The following ZFAND3 variants were observed in gnomAD, a reference collection of about 807,000 sequenced individuals.
The protein encoded by ZFAND3 is AN1-type zinc finger protein 3.
A neutral mutation model predicts 29.6 loss-of-function variants in ZFAND3; 10 were observed. The observed-to-expected ratio is 0.34, with a 90% CI of 0.21 to 0.57. The LOEUF is 0.57. Among genes scored for constraint, ZFAND3 ranks in the 20% least tolerant of loss-of-function variants. The pLI is 0.86. For synonymous variants in ZFAND3, 128 were observed against 112.6 expected (o/e 1.14, Z -0.87); for missense variants, 230 against 304.5 (o/e 0.76, Z 1.82).
intron 5 of ZFAND3, among the ~76,000 whole-genome samples, chr6:38,134,541 T>C (rs1045736219): frequency 6.6e-6 from 1 of 152,212 alleles, no homozygotes; most frequent in African/African-American, 2.4e-5. Context: ...TAAATACTTT[T>C]GACTCCTTGA....
At chr6:37,930,117 T>C (rs971157257) in intron 2 of ZFAND3, 118 bp downstream of exon 2, 4 of 1,021,024 alleles carry the variant, frequency 3.9e-6, no homozygotes, top group Admixed American at 3.0e-5. Flanking sequence ...GGTTTTGTTT[T>C]CTTAGCTTGT....
intron 2 of ZFAND3, among the ~76,000 whole-genome samples, chr6:38,020,355 ATTTT>A (rs888651813): frequency 6.6e-6 from 1 of 151,914 alleles, no homozygotes; most frequent in African/African-American, 2.4e-5. Flanking sequence ...ATAATTAAAA[ATTTT>A]TTTTTAAGTA....
intron 4 of ZFAND3, among the ~76,000 whole-genome samples, chr6:38,091,878 G>A (rs752461239): frequency 1.3e-4 from 20 of 152,126 alleles, no homozygotes; most frequent in Non-Finnish European, 1.5e-4. Flanking sequence ...TGGGACTTGC[G>A]CTGATGCAGC....
At chr6:37,867,437 T>C (rs942017993) in intron 1 of ZFAND3, among the ~76,000 whole-genome samples, 59 of 152,288 alleles carry the variant, frequency 3.9e-4, no homozygotes, top group African/African-American at 2.9e-4. Flanking sequence ...CATCTTCAAA[T>C]TACCAATTTT....
intron 2 of ZFAND3, among the ~76,000 whole-genome samples, chr6:37,982,269 C>T (rs1762593439): frequency 6.6e-6 from 1 of 151,196 alleles, no homozygotes; most frequent in African/African-American, 2.4e-5. Context: ...TCAGGTTTGC[C>T]ATATGCAGTT....
chr6:37,838,991 C>T (rs1277687819), intron 1 of ZFAND3, among the ~76,000 whole-genome samples: 4 of 152,116 alleles, frequency 2.6e-5, no homozygotes, highest in Non-Finnish European at 5.9e-5. Flanking sequence ...CATTGCTGCT[C>T]TTTTTGATTA....
intron 3 of ZFAND3, among the ~76,000 whole-genome samples, chr6:38,067,995 A>G (rs1380471321): frequency 2.0e-5 from 3 of 152,180 alleles, no homozygotes; most frequent in Non-Finnish European, 2.9e-5. Flanking sequence ...GAGAACTGAT[A>G]CCTGCTGCTA....
intron 1 of ZFAND3, among the ~76,000 whole-genome samples, chr6:37,827,547 C>T (rs1763782281): frequency 6.6e-6 from 1 of 152,160 alleles, no homozygotes. Flanking sequence ...CTGGTAAATT[C>T]AGGTTACCAT....
intron 3 of ZFAND3, among the ~76,000 whole-genome samples, chr6:38,077,190 G>T (rs1457707064): frequency 6.6e-6 from 1 of 151,086 alleles, no homozygotes; most frequent in Non-Finnish European, 1.5e-5. Context: ...TCTGCCCAGG[G>T]AGGCTTAGGA....
chr6:38,047,120 C>G (rs1421327025), intron 2 of ZFAND3, among the ~76,000 whole-genome samples: 2 of 151,988 alleles, frequency 1.3e-5, no homozygotes, highest in African/African-American at 4.8e-5. Context: ...AGTTCAAGAC[C>G]AGCCTGGCCA....
intron 1 of ZFAND3, among the ~76,000 whole-genome samples, chr6:37,897,957 A>T (rs1765250051): frequency 6.6e-6 from 1 of 152,176 alleles, no homozygotes; most frequent in South Asian, 2.1e-4. Context: ...CACCCCATGT[A>T]TGTGTATTGC....
At chr6:37,982,035 C>T (rs1444541414) in intron 2 of ZFAND3, among the ~76,000 whole-genome samples, 1 of 152,080 alleles carries the variant, frequency 6.6e-6, no homozygotes, top group African/African-American at 2.4e-5. Flanking sequence ...ACGCCATTTA[C>T]AAGGATAGTC....
intron 2 of ZFAND3, among the ~76,000 whole-genome samples, chr6:38,047,964 G>GTTTTT (rs1241798963): frequency 1.6e-5 from 2 of 126,250 alleles, no homozygotes; most frequent in African/African-American, 5.5e-5. Context: ...AGGTTTTTGG[G>GTTTTT]TTTTTTTTGT....
intron 3 of ZFAND3, among the ~76,000 whole-genome samples, chr6:38,076,133 C>T (rs1465896775): frequency 6.6e-6 from 1 of 152,042 alleles, no homozygotes. Context: ...CAGCCATCAA[C>T]ATTGAAGTAA....
intron 4 of ZFAND3, among the ~76,000 whole-genome samples, chr6:38,095,661 T>TAG (rs1764963661): frequency 6.6e-6 from 1 of 152,204 alleles, no homozygotes; most frequent in Non-Finnish European, 1.5e-5. Flanking sequence ...GAAGCAGTGT[T>TAG]AGAGTTCCTG....
At chr6:38,038,383 G>T (rs768019633) in intron 2 of ZFAND3, among the ~76,000 whole-genome samples, 3 of 152,140 alleles carry the variant, frequency 2.0e-5, no homozygotes, top group Non-Finnish European at 2.9e-5. Flanking sequence ...TTATGAAAAG[G>T]ATTCTGACCT....
At chr6:37,971,035 A>C (rs575724276) in intron 2 of ZFAND3, among the ~76,000 whole-genome samples, 1 of 152,232 alleles carries the variant, frequency 6.6e-6, no homozygotes, top group Non-Finnish European at 1.5e-5. Context: ...TTGATGATGT[A>C]GTTTGTGATG....
rs1002371122 is a variant in ZFAND3 at position 37,916,074 on chromosome 6, GTT to G, written c.72-13878_72-13877del. ...ATGAGCCACTGTGCCCGGCTGCTGT[GTT>G]TTTTTTAACTTAAAAAAAAAAAAAA... On this transcript the variant is annotated intron_variant, in intron 1 of 5. Coordinates refer to ENST00000287218, the MANE Select transcript of ZFAND3 (RefSeq NM_021943.3). Among the ~76,000 whole-genome samples the G allele has an allele frequency of 4.5e-4, 57 of 125,692 alleles. 1 individual carries two copies. The highest frequency in any genetic ancestry group is 1.8e-3 in the African/African-American group (55 of 30,870). 82.5% of individuals were successfully genotyped at this position (125,692 alleles called of 152,430 possible).
At chr6:37,923,897 T>C (rs1761431683) in intron 1 of ZFAND3, among the ~76,000 whole-genome samples, 1 of 152,202 alleles carries the variant, frequency 6.6e-6, no homozygotes, top group Non-Finnish European at 1.5e-5. Context: ...ATACTGTAAA[T>C]ATAATAAATT....
Sources: gnomAD v4.1 joint callset for allele counts (sites outside exome capture counted in the v4.1 genomes callset) on GRCh38, gnomAD v4.1.1 for gene constraint, MANE v1.5 for transcripts, NCBI Gene and HGNC (gene_info 2026-07-23, HGNC 2026-07-21) for gene names.